RECQL5: variants seen among roughly 807,000 people sequenced by gnomAD.
RECQL5 encodes RecQ like helicase 5.
RECQL5 carries 88 observed loss-of-function variants against 103.4 expected under a neutral mutation model. That is an observed-to-expected ratio of 0.85 (90% confidence interval 0.72 to 1.02). RECQL5 has a LOEUF of 1.02. Among genes scored for constraint, RECQL5 ranks in the 50% least tolerant of loss-of-function variants. The probability of loss-of-function intolerance (pLI) is 0.00; values close to 1 mark genes in which losing one functional copy is unlikely to be tolerated. For synonymous variants in RECQL5, 552 were observed against 507.9 expected (o/e 1.09, Z -1.17); for missense variants, 1,232 against 1,284.3 (o/e 0.96, Z 0.62).
At chr17:75,645,406 G>A (rs1193271597) in intron 8 of RECQL5, among the ~76,000 whole-genome samples, 4 of 152,130 alleles carry the variant, frequency 2.6e-5, no homozygotes, top group Admixed American at 6.5e-5. Context: ...TGATGACCTC[G>A]GCTAAGTTAT....
chr17:75,640,591 A>T lies in RECQL5; in HGVS notation c.1230-8923T>A, dbSNP rs944450266. On this transcript the variant is annotated intron_variant, in intron 8 of 19. Coordinates refer to ENST00000317905, the MANE Select transcript of RECQL5 (RefSeq NM_004259.7). This position sits in a 1 kb window ranked among gnomAD's most constrained non-coding sequence, Gnocchi z 4.6. Reference sequence around the variant, plus strand: ...GGGAGCCAGGCTTGGGCAGTGAAAGAGAAGACACAACATGGAGGAGGTTGG... The same window carrying T: ...GGGAGCCAGGCTTGGGCAGTGAAAGTGAAGACACAACATGGAGGAGGTTGG... Among the ~76,000 whole-genome samples the T allele has an allele frequency of 6.6e-6, 1 of 152,088 alleles. No individual in the cohort carries two copies. The highest frequency in any genetic ancestry group is 1.5e-5 in the Non-Finnish European group (1 of 68,000).
intron 8 of RECQL5, chr17:75,650,310 G>A (rs930748507): frequency 3.8e-6 from 4 of 1,039,812 alleles, no homozygotes; most frequent in African/African-American, 1.7e-5. Flanking sequence ...AGAAGCCACC[G>A]ACTCACTGGT....
chr17:75,650,724 G>C lies in RECQL5; in HGVS notation c.1229+462C>G, dbSNP rs780316130. The C allele has an allele frequency of 4.3e-6, 7 of 1,612,678 alleles. No homozygotes were observed. In the Middle Eastern group the frequency reaches 6.6e-4, roughly 152 times the overall value. On this transcript the variant is annotated intron_variant, in intron 8 of 19. Transcript: ENST00000317905. The stretch of plus-strand genomic sequence containing the variant: ...CGTGGCCCCTGCCCCATCGCCTGCA[G>C]ATGCAGGTAAAACAGATGCGTGAGT...
chr17:75,658,375 A>T lies in RECQL5; in HGVS notation c.1072T>A (p.Trp358Arg), dbSNP rs1373564908. 1 of 1,614,136 alleles carries T rather than the reference A, an allele frequency of 6.2e-7. No homozygotes were observed. The highest frequency in any genetic ancestry group is 1.1e-5 in the South Asian group (1 of 91,082). The change falls in exon 7 of 20, where the codon TGG becomes AGG. Residue 358 changes from tryptophan to arginine, a missense_variant. Transcript: ENST00000317905. ...GRAGRDGKPS[W>R]CRLYYSRNDR... ...TTCCTGGAGTAATAGAGACGGCACCAGGAAGGCTTCCCATCCCTGCCAGCC... is the reference window on the plus strand; with the variant it reads ...TTCCTGGAGTAATAGAGACGGCACCTGGAAGGCTTCCCATCCCTGCCAGCC...
Position 75,662,883 on chromosome 17 carries a change from T to C in RECQL5, c.367A>G (p.Thr123Ala). 6.2e-7 allele frequency: 1 copy of C among 1,614,100 alleles called. No individual in the cohort carries two copies. The highest frequency in any genetic ancestry group is 8.5e-7 in the Non-Finnish European group (1 of 1,180,028). Residue 123 changes from threonine to alanine, a missense_variant, in exon 4 of 20, where the codon ACC becomes GCC. Physicochemically the swap from Thr to Ala is moderately conservative, Grantham distance 58. Coordinates refer to ENST00000317905, the MANE Select transcript of RECQL5 (RefSeq NM_004259.7). ...TCTGGGGTGATGTACAGAATCTTGG[T>C]CTGGGGCTTTTCTCGCTCCAGGTCA... ...LADLEREKPQ[T>A]KILYITPEMA...
At chr17:75,632,159 A>G (rs1483941495) in intron 8 of RECQL5, among the ~76,000 whole-genome samples, 1 of 152,236 alleles carries the variant, frequency 6.6e-6, no homozygotes, top group Non-Finnish European at 1.5e-5. Context: ...GAATGACTGC[A>G]CAGCCAATGG....
At chr17:75,628,070 C>T (rs1598974129) in intron 18 of RECQL5, 148 bp downstream of exon 18, 2 of 709,936 alleles carry the variant, frequency 2.8e-6, no homozygotes, top group East Asian at 5.4e-5. Flanking sequence ...CGGCCATGAC[C>T]CAACGGCAAG....
chr17:75,658,184 G>T (rs1419178389), intron 7 of RECQL5, 114 bp downstream of exon 7: 4 of 1,140,592 alleles, frequency 3.5e-6, no homozygotes, highest in Non-Finnish European at 5.0e-6. Flanking sequence ...ATACTTACAG[G>T]TTGGGAGCAG....
At position 75,630,229 on chromosome 17, in the gene RECQL5, C is replaced by A. The variant is rs867436561; in HGVS notation, c.1767G>T (p.Arg589=). ...TGTAGAGGTTGGCCACCTTGGCGTTCCGGAATGTCTCATGTTCCAGCTCCA... is the reference window on the plus strand; with the variant it reads ...TGTAGAGGTTGGCCACCTTGGCGTTACGGAATGTCTCATGTTCCAGCTCCA... The part of the protein sequence containing the change: ...KAVELEHETF[R]NAKVANLYKA... Residue 589 remains arginine (R), a synonymous_variant, in exon 14 of 20, where the codon CGG becomes CGT. Transcript: ENST00000317905. 13 of 1,560,974 alleles carry A rather than the reference C, an allele frequency of 8.3e-6. 1 individual carries two copies. In the Middle Eastern group the frequency reaches 1.7e-3, roughly 200 times the overall value.
chr17:75,660,395 G>A (rs560034958), intron 6 of RECQL5, among the ~76,000 whole-genome samples: 1 of 152,300 alleles, frequency 6.6e-6, no homozygotes, highest in South Asian at 2.1e-4. Context: ...GAAATGACTT[G>A]TTAGGCAATT....
intron 3 of RECQL5, among the ~76,000 whole-genome samples, chr17:75,664,789 T>A (rs1215863778): frequency 1.3e-5 from 2 of 151,604 alleles, no homozygotes; most frequent in Non-Finnish European, 2.9e-5. Context: ...GGCATACACC[T>A]GTAATCCCAG....
intron 8 of RECQL5, among the ~76,000 whole-genome samples, chr17:75,644,809 A>C (rs190343541): frequency 2.1e-5 from 3 of 145,456 alleles, no homozygotes; most frequent in Non-Finnish European, 3.0e-5. Context: ...AGCCTGGGCT[A>C]CAGAGTGAGA....
intron 14 of RECQL5, 81 bp from the exon 15 acceptor site, chr17:75,629,923 G>C (rs888654873): frequency 6.6e-7 from 1 of 1,505,010 alleles, no homozygotes; most frequent in Admixed American, 2.2e-5. Flanking sequence ...TTTCTACTAG[G>C]CACTACAAGT....
rs2059151360 is a variant in RECQL5, at chr17:75,628,731, C to G, written c.2521G>C (p.Glu841Gln). The G allele has an allele frequency of 6.3e-7, 1 of 1,591,680 alleles. No homozygotes were observed. Among genetic ancestry groups the G allele is most frequent in the East Asian group, 2.2e-5 (1 of 44,812 alleles). The change falls in exon 17 of 20, where the codon GAA becomes CAA. Residue 841 changes from glutamate (E) to glutamine (Q), a missense_variant. Physicochemically the swap from Glu to Gln is conservative, Grantham distance 29. Transcript: ENST00000317905. ...TCCTTTGCAGGGGTGGGCTGGACTT[C>G]AGGGGTGCCCTGGTCTCTGGGCGGG... is the stretch of plus-strand genomic sequence containing the variant. ...TCPPRDQGTP[E>Q]VQPTPAKDTW... is the part of the protein sequence containing the mutation.
At chr17:75,659,649 T>A (rs2059673079) in intron 6 of RECQL5, among the ~76,000 whole-genome samples, 1 of 152,190 alleles carries the variant, frequency 6.6e-6, no homozygotes, top group Non-Finnish European at 1.5e-5. Context: ...CCACTACACC[T>A]GGCAGCATAC....
rs1327901378 is a variant in RECQL5 at position 75,636,451 on chromosome 17, A to AG, written c.1230-4784dup. ...CCTCCTGCCAAACCTAGGAAGGGAA[A>AG]GGGGAGGAGAGGTGGCCAGCCTCAG... On this transcript the variant is annotated intron_variant, in intron 8 of 19. Transcript: ENST00000317905. This position sits in a 1 kb window ranked among gnomAD's most constrained non-coding sequence, Gnocchi z 5.4. The AG allele has an allele frequency of 2.0e-5, 3 of 152,220 alleles. No homozygotes were observed. Among genetic ancestry groups the AG allele is most frequent in the Admixed American group, 6.5e-5 (1 of 15,278 alleles). 9.4% of individuals were successfully genotyped at this position (152,220 alleles called of 1,614,324 possible). A position where few individuals can be genotyped will look rare whatever the true frequency, so the allele number is the denominator to read the frequency against.
chr17:75,651,186 C>A lies in RECQL5; in HGVS notation c.1229G>T (p.Gly410Val), dbSNP rs2059551140. 1 of 1,614,004 alleles carries A rather than the reference C, an allele frequency of 6.2e-7. No individual in the cohort carries two copies. The highest frequency in any genetic ancestry group is 1.1e-5 in the South Asian group (1 of 91,084). Reference sequence around the variant, plus strand: ...TCCACATATAAAATAAGTCACTTACCCCAGTTCTTCACAGAAGGTCACCAG... The same window carrying A: ...TCCACATATAAAATAAGTCACTTACACCAGTTCTTCACAGAAGGTCACCAG... ...DALVTFCEEL[G>V]CRHAAIAKYF... The change falls in exon 8 of 20, where the codon GGG becomes GTG. Residue 410 changes from glycine to valine, a missense_variant and splice_region_variant. Physicochemically the swap from Gly to Val is moderately radical, Grantham distance 109 (BLOSUM62 -3). Transcript: ENST00000317905.
chr17:75,663,173 T>C (rs2059721723), intron 3 of RECQL5, among the ~76,000 whole-genome samples, 176 bp from the exon 4 acceptor site: 1 of 152,156 alleles, frequency 6.6e-6, no homozygotes, highest in Non-Finnish European at 1.5e-5. Context: ...GGACCAAAAG[T>C]GTTCTAGATT....
intron 8 of RECQL5, chr17:75,633,800 A>G: frequency 2.0e-6 from 2 of 1,009,570 alleles, no homozygotes; most frequent in South Asian, 7.3e-5. Context: ...CTGGCCAGGA[A>G]GGCAGAGAGC....
Sources: allele counts gnomAD v4.1 joint callset (sites outside exome capture counted in the v4.1 genomes callset), GRCh38; gene constraint gnomAD v4.1.1; non-coding constraint Gnocchi (gnomAD v3.1); transcripts MANE v1.5; gene names NCBI Gene and HGNC (gene_info 2026-07-23, HGNC 2026-07-21).